The following SH3RF1 variants were observed in gnomAD, a reference collection of about 807,000 sequenced individuals.
SH3RF1 encodes E3 ubiquitin-protein ligase SH3RF1.
A neutral mutation model predicts 74.0 loss-of-function variants in SH3RF1; 32 were observed. The observed-to-expected ratio is 0.43, with a 90% CI of 0.33 to 0.58. SH3RF1 has a LOEUF of 0.58. Ranked by LOEUF, SH3RF1 falls within the 20% of genes least tolerant of loss-of-function variation. The pLI is 0.05. For synonymous variants in SH3RF1, 396 were observed against 439.6 expected, an observed-to-expected ratio of 0.90 and a Z score of 1.24; for missense variants, 954 against 1,130.9, an observed-to-expected ratio of 0.84 and a Z score of 2.24.
rs1732916385 is a variant in SH3RF1, at chr4:169,095,796, G to A, written c.*723C>T. On this transcript the variant is annotated 3_prime_UTR_variant, in exon 12 of 12. Coordinates refer to ENST00000284637, the MANE Select transcript of SH3RF1 (RefSeq NM_020870.4). ...CATTGTTTCAGTCACTTCATTCTAG[G>A]AAAATTAAAAACCCACACAATTAAA... 6.6e-6 allele frequency: 1 copy of A among 152,272 alleles called. No individual in the cohort carries two copies. Among genetic ancestry groups the A allele is most frequent in the African/African-American group, 2.4e-5 (1 of 41,430 alleles). The allele number at this position is 152,272 out of a possible 1,614,324, so 9.4% of individuals were successfully genotyped here. A position where few individuals can be genotyped will look rare whatever the true frequency, so the allele number is the denominator to read the frequency against.
At chr4:169,228,859 T>A (rs1730690800) in intron 2 of SH3RF1, among the ~76,000 whole-genome samples, 1 of 152,192 alleles carries the variant, frequency 6.6e-6, no homozygotes, top group African/African-American at 2.4e-5. Flanking sequence ...AATTCTAGAC[T>A]AATTCTAATG....
intron 11 of SH3RF1, among the ~76,000 whole-genome samples, chr4:169,097,313 AG>A (rs1732948880): frequency 6.6e-6 from 1 of 152,214 alleles, no homozygotes; most frequent in Non-Finnish European, 1.5e-5. Context: ...GGTAGTCCCA[AG>A]GTCCAGACAT....
At chr4:169,217,445 A>T (rs1016402415) in intron 2 of SH3RF1, 1 of 152,362 alleles carries the variant, frequency 6.6e-6, no homozygotes, top group African/African-American at 2.4e-5. Context: ...GAAACAGGAA[A>T]TCAAGGCAGG....
Position 169,253,075 on chromosome 4 carries a change from C to A in SH3RF1, c.393+15745G>T, listed in dbSNP as rs749771410. ...TTGCCTCTCAAGGAAAAGTTTGGAT[C>A]GCAAAGAAGAAACTTAAATAAACCT... On this transcript the variant is annotated intron_variant, in intron 2 of 11. Coordinates refer to ENST00000284637, the MANE Select transcript of SH3RF1 (RefSeq NM_020870.4). Among the ~76,000 whole-genome samples, 61 of 152,168 alleles carry A rather than the reference C, an allele frequency of 4.0e-4. 1 individual carries two copies. Among genetic ancestry groups the A allele is most frequent in the Non-Finnish European group, 7.9e-4 (54 of 68,012 alleles).
intron 4 of SH3RF1, among the ~76,000 whole-genome samples, chr4:169,144,580 T>A (rs1171208894): frequency 6.6e-6 from 1 of 152,066 alleles, no homozygotes; most frequent in Non-Finnish European, 1.5e-5. Flanking sequence ...AGAAACAGCA[T>A]GATGGATTAA....
intron 2 of SH3RF1, among the ~76,000 whole-genome samples, chr4:169,227,766 C>T (rs184846086): frequency 5.2e-4 from 79 of 152,296 alleles, no homozygotes; most frequent in Admixed American, 1.4e-3. Context: ...CCATCGAAGC[C>T]AGACCCAGTT....
intron 2 of SH3RF1, among the ~76,000 whole-genome samples, chr4:169,214,516 G>A (rs538952519): frequency 6.6e-6 from 1 of 152,258 alleles, no homozygotes; most frequent in South Asian, 2.1e-4. Context: ...AGATCAAGTT[G>A]GGAAAAAAAC....
chr4:169,166,686 C>T (rs962402071), intron 2 of SH3RF1: 5 of 199,474 alleles, frequency 2.5e-5, no homozygotes, highest in Non-Finnish European at 5.2e-5. Context: ...TGACAAACTG[C>T]GAGCCAGCAT....
At chr4:169,209,054 C>T (rs1360748464) in intron 2 of SH3RF1, among the ~76,000 whole-genome samples, 1 of 152,104 alleles carries the variant, frequency 6.6e-6, no homozygotes, top group East Asian at 1.9e-4. Context: ...CTTTGGGAGG[C>T]TGAGGAAGGT....
chr4:169,198,377 T>G (rs1218672756), intron 2 of SH3RF1, among the ~76,000 whole-genome samples: 1 of 152,218 alleles, frequency 6.6e-6, no homozygotes, highest in Admixed American at 6.5e-5. Flanking sequence ...CAGCAGATTC[T>G]TCATGCTTAA....
At chr4:169,136,295 A>G (rs775535137) in intron 5 of SH3RF1, 23 bp downstream of exon 5, 29 of 1,388,596 alleles carry the variant, frequency 2.1e-5, no homozygotes, top group Non-Finnish European at 2.7e-5. Context: ...CTCTTTTTAT[A>G]TAACACTTGT....
chr4:169,186,315 C>T (rs564522745), intron 2 of SH3RF1, among the ~76,000 whole-genome samples: 2 of 151,836 alleles, frequency 1.3e-5, no homozygotes, highest in African/African-American at 4.8e-5. Flanking sequence ...CTATGTAACC[C>T]GCACATACTG....
At chr4:169,220,544 T>C (rs1257013818) in intron 2 of SH3RF1, among the ~76,000 whole-genome samples, 3 of 152,218 alleles carry the variant, frequency 2.0e-5, no homozygotes, top group African/African-American at 7.2e-5. Context: ...GAACACTTGC[T>C]TTCTTCCATG....
intron 4 of SH3RF1, among the ~76,000 whole-genome samples, chr4:169,147,076 GGA>G (rs1561036713): frequency 6.6e-6 from 1 of 152,168 alleles, no homozygotes; most frequent in Non-Finnish European, 1.5e-5. Flanking sequence ...ATGGTGCTGG[GGA>G]GAGAGACCAA....
intron 2 of SH3RF1, among the ~76,000 whole-genome samples, chr4:169,260,033 T>A (rs1188530360): frequency 6.6e-6 from 1 of 152,218 alleles, no homozygotes; most frequent in Admixed American, 6.5e-5. Context: ...GATAGATTAA[T>A]AAATGGAGTG....
chr4:169,188,940 T>C (rs1287984069), intron 2 of SH3RF1, among the ~76,000 whole-genome samples: 1 of 152,212 alleles, frequency 6.6e-6, no homozygotes, highest in East Asian at 1.9e-4. Flanking sequence ...AATGGAATTA[T>C]GTAGTTACCT....
chr4:169,136,704 T>C, intron 4 of SH3RF1, 84 bp from the exon 5 acceptor site: 1 of 1,402,260 alleles, frequency 7.1e-7, no homozygotes. Context: ...CATGATTTCA[T>C]CCAAAATTTA....
chr4:169,170,191 G>T (rs1406693958), intron 2 of SH3RF1, among the ~76,000 whole-genome samples: 1 of 152,054 alleles, frequency 6.6e-6, no homozygotes, highest in Non-Finnish European at 1.5e-5. Flanking sequence ...ATGTTATTTT[G>T]TTCTAAATAA....
At chr4:169,252,128 G>T (rs1579163879) in intron 2 of SH3RF1, among the ~76,000 whole-genome samples, 1 of 152,162 alleles carries the variant, frequency 6.6e-6, no homozygotes, top group South Asian at 2.1e-4. Context: ...ACTTAAGAGG[G>T]CCTGCGTTTT....
Sources: allele counts gnomAD v4.1 joint callset (sites outside exome capture counted in the v4.1 genomes callset), GRCh38; gene constraint gnomAD v4.1.1; transcripts MANE v1.5; gene names NCBI Gene and HGNC (gene_info 2026-07-23, HGNC 2026-07-21).